Variants in ZNF516 observed in about 807,000 individuals in gnomAD.
The protein encoded by ZNF516 is zinc finger protein 516.
In ZNF516, 19 loss-of-function variants were observed where a neutral mutation model predicts 79.7. The ratio of observed to expected loss-of-function variants is 0.24; its 90% CI spans 0.17 to 0.35. The LOEUF is 0.35. ZNF516 is among the 10% of genes least tolerant of loss of function. The pLI, the probability that ZNF516 is intolerant of heterozygous loss-of-function variation, is 1.00. For missense variants in ZNF516, 1,678 were observed against 1,679.5 expected, an observed-to-expected ratio of 1.00 and a Z score of 0.02; for synonymous variants, 877 against 739.5, an observed-to-expected ratio of 1.19 and a Z score of -3.02.
chr18:76,369,713 C>T (rs1379119478), intron 6 of ZNF516, among the ~76,000 whole-genome samples: 1 of 152,166 alleles, frequency 6.6e-6, no homozygotes, highest in Non-Finnish European at 1.5e-5. Flanking sequence ...ACCACCCAGA[C>T]ACGGCTTGAC....
intron 1 of ZNF516, chr18:76,490,213 C>T (rs1915084439): frequency 2.0e-6 from 2 of 985,204 alleles, no homozygotes; most frequent in African/African-American, 1.7e-5. Flanking sequence ...AAGACGTCCT[C>T]CTACAAGTAA....
intron 3 of ZNF516, among the ~76,000 whole-genome samples, chr18:76,432,801 T>C (rs1374025698): frequency 6.6e-6 from 1 of 152,242 alleles, no homozygotes. Context: ...GGTCACTCGA[T>C]GTTAGCATCA....
chr18:76,379,817 C>T lies in ZNF516; in HGVS notation c.2297G>A (p.Ser766Asn), dbSNP rs758953863. Reference sequence around the variant, plus strand: ...GACCTCGGGGTAGTAGGTCTTGTGGCTGCAGTAAGGACACGGGTGAACGAC... The same window carrying T: ...GACCTCGGGGTAGTAGGTCTTGTGGTTGCAGTAAGGACACGGGTGAACGAC... ...ALVVHPCPYC[S>N]HKTYYPEVLW... Residue 766 changes from serine (S) to asparagine (N), a missense_variant, in exon 4 of 7, where the codon AGC (serine) becomes AAC (asparagine). By Grantham distance (46) the Ser-to-Asn change is conservative (BLOSUM62 1). Coordinates refer to ENST00000443185, the MANE Select transcript of ZNF516 (RefSeq NM_014643.4). 1.2e-6 allele frequency: 2 copies of T among 1,613,676 alleles called. No homozygotes were observed. The highest frequency in any genetic ancestry group is 2.7e-5 in the African/African-American group (2 of 74,938).
chr18:76,376,533 CAAA>C (rs10708911), intron 4 of ZNF516, among the ~76,000 whole-genome samples: 21,327 of 132,772 alleles, frequency 0.16, 1,780 homozygotes, highest in Non-Finnish European at 0.22. Flanking sequence ...CTCTCTCTTT[CAAA>C]AAAAAAAAAA....
At chr18:76,409,668 T>C (rs1429452131) in intron 3 of ZNF516, among the ~76,000 whole-genome samples, 1 of 152,220 alleles carries the variant, frequency 6.6e-6, no homozygotes, top group Non-Finnish European at 1.5e-5. Flanking sequence ...TGCTGGGCTC[T>C]CTGGATTTGC....
chr18:76,474,424 A>G (rs1265578642), intron 1 of ZNF516, among the ~76,000 whole-genome samples: 1 of 152,192 alleles, frequency 6.6e-6, no homozygotes, highest in Non-Finnish European at 1.5e-5. Flanking sequence ...AACAAGCAAA[A>G]ACAAAAACAA....
At chr18:76,408,426 A>G (rs2145280175) in intron 3 of ZNF516, among the ~76,000 whole-genome samples, 1 of 152,330 alleles carries the variant, frequency 6.6e-6, no homozygotes, top group East Asian at 1.9e-4. Flanking sequence ...GGGTGAAACC[A>G]GTCACAAGGG....
chr18:76,391,371 CCCTAACCGTGAACCAACCATAACCCTAAA>C (rs1300673076), intron 3 of ZNF516, among the ~76,000 whole-genome samples: 2 of 152,068 alleles, frequency 1.3e-5, no homozygotes, highest in Non-Finnish European at 2.9e-5. Flanking sequence ...ACCCCCTCAA[CCCTAACCGTGAACCAACCATAACCCTAAA>C]CCTAACCGCT....
Position 76,360,484 on chromosome 18 carries a change from A to G in ZNF516, c.*2014T>C, listed in dbSNP as rs1438825128. On this transcript the variant is annotated 3_prime_UTR_variant, in exon 7 of 7. Transcript: ENST00000443185. ...TTCTGATTTCTTAGGTGGACAGAGG[A>G]ATGTGTCTCCGCAACTTTGCCCAAA... is the stretch of plus-strand genomic sequence containing the variant. 6.6e-6 allele frequency: 1 copy of G among 151,848 alleles called. No homozygotes were observed. Among genetic ancestry groups the G allele is most frequent in the Non-Finnish European group, 1.5e-5 (1 of 67,964 alleles). The allele number at this position is 151,848 out of a possible 1,614,324, so 9.4% of individuals were successfully genotyped here.
At position 76,380,191 on chromosome 18, in the gene ZNF516, C is replaced by G; in HGVS notation, c.1923G>C (p.Glu641Asp). 6.2e-7 allele frequency: 1 copy of G among 1,614,020 alleles called. No individual in the cohort carries two copies. The highest frequency in any genetic ancestry group is 8.5e-7 in the Non-Finnish European group (1 of 1,179,906). The change falls in exon 4 of 7, where the codon GAG (glutamate) becomes GAC (aspartate). Residue 641 changes from glutamate (E) to aspartate (D), a missense_variant. This residue lies in a region of ZNF516 where 1,294 missense variants were observed against 1,248.3 expected (regional missense o/e 1.04). Transcript: ENST00000443185. ...CAGAAGCTGCGATCCCTGCCTTGGA[C>G]TCGCCGGTGTCTCTTTCCGAGGCGT... ...GDNASERDTG[E>D]SKAGIAASVS...
chr18:76,422,304 TC>T (rs927983123), intron 3 of ZNF516, among the ~76,000 whole-genome samples: 1 of 152,182 alleles, frequency 6.6e-6, no homozygotes, highest in African/African-American at 2.4e-5. Flanking sequence ...CCCTCGGCAC[TC>T]CCTGCACTGC....
chr18:76,421,710 G>A (rs1230602453), intron 3 of ZNF516, among the ~76,000 whole-genome samples: 9 of 152,254 alleles, frequency 5.9e-5, no homozygotes, highest in Admixed American at 1.3e-4. Flanking sequence ...TATTACAGAG[G>A]GCACTACTTT....
At chr18:76,473,913 G>C (rs897644116) in intron 1 of ZNF516, among the ~76,000 whole-genome samples, 1 of 137,810 alleles carries the variant, frequency 7.3e-6, no homozygotes, top group African/African-American at 2.6e-5. Context: ...TGGGGGGGGG[G>C]GGGGCTTTCT....
intron 3 of ZNF516, among the ~76,000 whole-genome samples, chr18:76,435,966 C>G (rs2075727997): frequency 6.6e-6 from 1 of 152,284 alleles, no homozygotes; most frequent in African/African-American, 2.4e-5. Context: ...ACATGGCGGA[C>G]AGTAGCTCTC....
intron 3 of ZNF516, among the ~76,000 whole-genome samples, chr18:76,422,568 T>C (rs908446654): frequency 1.3e-5 from 2 of 152,032 alleles, no homozygotes; most frequent in African/African-American, 2.4e-5. Flanking sequence ...TATGGAGAGA[T>C]AGAGAATTAA....
intron 2 of ZNF516, among the ~76,000 whole-genome samples, chr18:76,452,195 C>A (rs1006429984): frequency 2.6e-5 from 4 of 152,216 alleles, no homozygotes; most frequent in African/African-American, 9.6e-5. Context: ...GGCCCCCTGA[C>A]CACAACAGAC....
rs1351239345 is a variant in ZNF516, at chr18:76,359,951, G to A, written c.*2547C>T. 1 of 152,212 alleles carries A rather than the reference G, an allele frequency of 6.6e-6. No homozygotes were observed. The highest frequency in any genetic ancestry group is 1.9e-4 in the East Asian group (1 of 5,186). The allele number at this position is 152,212 out of a possible 1,614,324, so 9.4% of individuals were successfully genotyped here. ...ATACTGACGATGGGTGGAAGGAAGGGACCACACATCCAGGCCTGCCCACAG... is the reference window on the plus strand; with the variant it reads ...ATACTGACGATGGGTGGAAGGAAGGAACCACACATCCAGGCCTGCCCACAG... On this transcript the variant is annotated 3_prime_UTR_variant, in exon 7 of 7. Coordinates refer to ENST00000443185, the MANE Select transcript of ZNF516 (RefSeq NM_014643.4).
chr18:76,382,965 G>C (rs1223422780), intron 3 of ZNF516, among the ~76,000 whole-genome samples: 2 of 151,712 alleles, frequency 1.3e-5, no homozygotes, highest in African/African-American at 4.9e-5. Context: ...GAACCCTGGA[G>C]GGGGAGGCTG....
At chr18:76,431,493 A>G (rs1437551110) in intron 3 of ZNF516, among the ~76,000 whole-genome samples, 1 of 152,222 alleles carries the variant, frequency 6.6e-6, no homozygotes, top group East Asian at 1.9e-4. Context: ...TGTGCCCGGC[A>G]TGACGGGGCT....
Sources: gnomAD v4.1 joint callset for allele counts (sites outside exome capture counted in the v4.1 genomes callset) on GRCh38, gnomAD v4.1.1 for gene constraint, gnomAD v4.1.1 regional missense constraint, MANE v1.5 for transcripts, NCBI Gene and HGNC (gene_info 2026-07-23, HGNC 2026-07-21) for gene names.